CPNE8: variants seen among roughly 807,000 people sequenced by gnomAD.
CPNE8 encodes the protein copine 8, also known as copine-8.
A neutral mutation model predicts 81.5 loss-of-function variants in CPNE8; 45 were observed. That is an observed-to-expected ratio of 0.55 (90% CI 0.44 to 0.71). The LOEUF (loss-of-function observed/expected upper bound fraction) is 0.71, where lower values mean the gene tolerates loss of function less well. Among genes scored for constraint, CPNE8 ranks in the 30% least tolerant of loss-of-function variants. CPNE8 has a pLI of 0.00. For missense variants in CPNE8, 594 were observed against 672.1 expected (o/e 0.88, Z 1.28); for synonymous variants, 252 against 226.3 (o/e 1.11, Z -1.02).
chr12:38,848,418 TG>T, intron 4 of CPNE8, 140 bp downstream of exon 4: 1 of 1,331,996 alleles, frequency 7.5e-7, no homozygotes. Flanking sequence ...GGGGCTTGCT[TG>T]GGCCACACTC....
Position 38,806,027 on chromosome 12 carries a change from C to T in CPNE8, c.407+23352G>A, listed in dbSNP as rs538005685. 1.3e-5 allele frequency among the ~76,000 whole-genome samples: 2 copies of T among 150,410 alleles called. 1 individual carries two copies. Among genetic ancestry groups the T allele is most frequent in the South Asian group, 4.3e-4 (2 of 4,666 alleles). ...GAAGAAATGGATAAATTCCTTGACACATACACCCTCCCAAGACTAAAGCAG... is the reference window on the plus strand; with the variant it reads ...GAAGAAATGGATAAATTCCTTGACATATACACCCTCCCAAGACTAAAGCAG... On this transcript the variant is annotated intron_variant, in intron 6 of 19. Coordinates refer to ENST00000331366, the MANE Select transcript of CPNE8 (RefSeq NM_153634.3).
chr12:38,710,105 A>T (rs1940212488), intron 13 of CPNE8, among the ~76,000 whole-genome samples: 1 of 151,850 alleles, frequency 6.6e-6, no homozygotes, highest in South Asian at 2.1e-4. Flanking sequence ...TGATTTCTAT[A>T]TTTTTTTCAC....
intron 13 of CPNE8, among the ~76,000 whole-genome samples, chr12:38,707,129 C>T (rs1940127827): frequency 6.6e-6 from 1 of 152,156 alleles, no homozygotes; most frequent in South Asian, 2.1e-4. Flanking sequence ...GCCTGGGCAA[C>T]ATACTGAGAC....
chr12:38,672,302 T>C (rs1939192290), intron 18 of CPNE8, among the ~76,000 whole-genome samples: 1 of 152,238 alleles, frequency 6.6e-6, no homozygotes, highest in East Asian at 1.9e-4. Context: ...ATTTAGGCAA[T>C]ACTGTATTAG....
intron 19 of CPNE8, among the ~76,000 whole-genome samples, chr12:38,657,199 T>C (rs1374285691): frequency 6.6e-6 from 1 of 152,158 alleles, no homozygotes; most frequent in Non-Finnish European, 1.5e-5. Context: ...CCCATGGTCT[T>C]AGCAACTGGC....
intron 7 of CPNE8, among the ~76,000 whole-genome samples, chr12:38,768,588 C>T (rs2136870427): frequency 6.6e-6 from 1 of 152,240 alleles, no homozygotes; most frequent in East Asian, 1.9e-4. Flanking sequence ...GGCATGATCT[C>T]GGCTCACTGC....
At chr12:38,884,061 C>T (rs891413128) in intron 1 of CPNE8, among the ~76,000 whole-genome samples, 8 of 152,070 alleles carry the variant, frequency 5.3e-5, no homozygotes, top group Non-Finnish European at 8.8e-5. Context: ...ATAAAATTTG[C>T]CCTTTTAAAG....
At position 38,809,945 on chromosome 12, in the gene CPNE8, T is replaced by A. The variant is rs557743914; in HGVS notation, c.407+19434A>T. On this transcript the variant is annotated intron_variant, in intron 6 of 19. Coordinates refer to ENST00000331366, the MANE Select transcript of CPNE8 (RefSeq NM_153634.3). ...GGAGGAAATAAAAGGTAAAATGGAG[T>A]CATGAGTCCAAAATAATTTTGAAAT... Among the ~76,000 whole-genome samples the A allele has an allele frequency of 1.6e-4, 24 of 152,158 alleles. 1 individual carries two copies. In the South Asian group the frequency reaches 5.0e-3, roughly 32 times the overall value.
rs779631445 is a variant in CPNE8, at chr12:38,762,164, A to T, written c.628T>A (p.Trp210Arg). 49 of 1,606,064 alleles carry T rather than the reference A, an allele frequency of 3.1e-5. No homozygotes were observed. The highest frequency in any genetic ancestry group is 3.9e-5 in the Non-Finnish European group (46 of 1,175,998). ...EVVKNTLNPV[W>R]QAFKISVRAL... is the part of the protein sequence containing the mutation. ...CTGACTGAGATCTTGAATGCTTGCC[A>T]TACTGGATTTAGAGTGTTTTTGACA... The change falls in exon 9 of 20, where the codon TGG (tryptophan) becomes AGG (arginine). Residue 210 changes from tryptophan (W) to arginine (R), a missense_variant. Transcript: ENST00000331366.
chr12:38,748,156 A>G (rs1370741250), intron 10 of CPNE8, among the ~76,000 whole-genome samples: 2 of 151,946 alleles, frequency 1.3e-5, no homozygotes, highest in African/African-American at 4.8e-5. Context: ...GATTACAGGC[A>G]TGAGCCACCA....
At position 38,677,237 on chromosome 12, in the gene CPNE8, AT is replaced by A. The variant is rs1264682950; in HGVS notation, c.1374+214del. On this transcript the variant is annotated intron_variant, in intron 17 of 19. Transcript: ENST00000331366. Reference sequence around the variant, plus strand: ...TATCTTTTTTTTTCTTTAGGCAAAAATTTTTTTTAACTAAAATAATTAATAT... The same window carrying A: ...TATCTTTTTTTTTCTTTAGGCAAAAATTTTTTTAACTAAAATAATTAATAT... 4.6e-5 allele frequency among the ~76,000 whole-genome samples: 7 copies of A among 152,000 alleles called. No homozygotes were observed. The South Asian group carries it at 8.3e-4, about 18-fold the overall frequency.
chr12:38,772,613 G>A (rs1941827107), intron 7 of CPNE8, among the ~76,000 whole-genome samples: 2 of 152,082 alleles, frequency 1.3e-5, no homozygotes, highest in African/African-American at 2.4e-5. Flanking sequence ...AACGCAAAAG[G>A]AAGCAGTGTC....
intron 3 of CPNE8, among the ~76,000 whole-genome samples, chr12:38,871,542 A>G (rs775269946): frequency 7.9e-5 from 12 of 152,218 alleles, no homozygotes; most frequent in African/African-American, 1.2e-4. Context: ...ACATGGAAAA[A>G]GGGGGCATAT....
In CPNE8 at chr12:38,653,115, C is replaced by T. The variant is rs1238805249; in HGVS notation, c.*767G>A. On this transcript the variant is annotated 3_prime_UTR_variant, in exon 20 of 20. Coordinates refer to ENST00000331366, the MANE Select transcript of CPNE8 (RefSeq NM_153634.3). ...AAGTATTTTCTGTGCATTTATAGATCACAATGTTTGACTTTTTATAATTTC... is the reference window on the plus strand; with the variant it reads ...AAGTATTTTCTGTGCATTTATAGATTACAATGTTTGACTTTTTATAATTTC... The T allele has an allele frequency of 1.3e-5, 2 of 152,338 alleles. No individual in the cohort carries two copies. Among genetic ancestry groups the T allele is most frequent in the Non-Finnish European group, 1.5e-5 (1 of 68,028 alleles). 9.4% of individuals were successfully genotyped at this position (152,338 alleles called of 1,614,324 possible).
chr12:38,840,277 T>C (rs544841961), intron 4 of CPNE8, among the ~76,000 whole-genome samples: 5 of 152,286 alleles, frequency 3.3e-5, no homozygotes, highest in Non-Finnish European at 7.4e-5. Flanking sequence ...GCATCAGTAG[T>C]ATCCCAGTAC....
At position 38,716,854 on chromosome 12, in the gene CPNE8, C is replaced by A. The variant is rs529816574; in HGVS notation, c.914+6918G>T. ...AATAATCAGCAGAGTAAACAGACAACCCACACAGTGGGAGAAAATATATGC... is the reference window on the plus strand; with the variant it reads ...AATAATCAGCAGAGTAAACAGACAAACCACACAGTGGGAGAAAATATATGC... On this transcript the variant is annotated intron_variant, in intron 13 of 19. Coordinates refer to ENST00000331366, the MANE Select transcript of CPNE8 (RefSeq NM_153634.3). Among the ~76,000 whole-genome samples the A allele has an allele frequency of 5.3e-5, 8 of 152,204 alleles. No individual in the cohort carries two copies. In the South Asian group the frequency reaches 1.7e-3, roughly 32 times the overall value.
rs570931626 is a variant in CPNE8 at position 38,789,475 on chromosome 12, G to A, written c.408-13174C>T. Among the ~76,000 whole-genome samples the A allele has an allele frequency of 2.0e-5, 3 of 151,840 alleles. No homozygotes were observed. The South Asian group carries it at 6.2e-4, about 31-fold the overall frequency. On this transcript the variant is annotated intron_variant, in intron 6 of 19. Coordinates refer to ENST00000331366, the MANE Select transcript of CPNE8 (RefSeq NM_153634.3). ...ATCAAAATGGATTACTTAAACAAAA[G>A]TCCTCAAATTATGAAACTATGAAAA...
chr12:38,744,210 A>G (rs546174594), intron 10 of CPNE8, among the ~76,000 whole-genome samples: 1 of 152,206 alleles, frequency 6.6e-6, no homozygotes, highest in Non-Finnish European at 1.5e-5. Flanking sequence ...AGCATGAACT[A>G]AACCTTACAT....
chr12:38,893,763 T>A (rs1391209288), intron 1 of CPNE8, among the ~76,000 whole-genome samples: 4 of 152,210 alleles, frequency 2.6e-5, no homozygotes, highest in African/African-American at 9.6e-5. Flanking sequence ...CCTTCTTTTA[T>A]TTAAAAAACT....
Sources: allele counts gnomAD v4.1 joint callset (sites outside exome capture counted in the v4.1 genomes callset), GRCh38; gene constraint gnomAD v4.1.1; transcripts MANE v1.5; gene names NCBI Gene and HGNC (gene_info 2026-07-23, HGNC 2026-07-21).